Variants in MIA2 observed in about 807,000 individuals in gnomAD.
The protein encoded by MIA2 is melanoma inhibitory activity protein 2.
MIA2 carries 127 observed loss-of-function variants against 167.8 expected under a neutral mutation model. The observed-to-expected ratio is 0.76, with a 90% confidence interval of 0.66 to 0.88. The LOEUF is 0.88. MIA2 is among the 40% of genes least tolerant of loss of function. MIA2 has a pLI of 0.00. For missense variants in MIA2, 1,690 were observed against 1,624.7 expected, an observed-to-expected ratio of 1.04 and a Z score of -0.69; for synonymous variants, 552 against 541.9, an observed-to-expected ratio of 1.02 and a Z score of -0.26.
intron 14 of MIA2, among the ~76,000 whole-genome samples, chr14:39,300,945 T>C (rs62000667): frequency 2.3e-4 from 1 of 4,306 alleles, no homozygotes; most frequent in Non-Finnish European, 1.5e-3. Context: ...CATATATACA[T>C]ATATACACAT....
At chr14:39,289,455 C>T (rs991791320) in intron 9 of MIA2, among the ~76,000 whole-genome samples, 1 of 152,062 alleles carries the variant, frequency 6.6e-6, no homozygotes, top group Non-Finnish European at 1.5e-5. Flanking sequence ...CCTCATGATC[C>T]CTGTGATCTG....
chr14:39,311,005 TA>T (rs1321553779), intron 18 of MIA2, among the ~76,000 whole-genome samples: 3 of 152,100 alleles, frequency 2.0e-5, no homozygotes, highest in Non-Finnish European at 4.4e-5. Context: ...GTGAAAGAAA[TA>T]TTTTTGAGTG....
intron 10 of MIA2, among the ~76,000 whole-genome samples, chr14:39,291,425 G>A (rs2060725819): frequency 6.6e-6 from 1 of 152,134 alleles, no homozygotes. Flanking sequence ...GACTCAGTTT[G>A]CTCTAGAAAG....
At chr14:39,328,381 A>C (rs1033668615) in intron 25 of MIA2, among the ~76,000 whole-genome samples, 2 of 151,938 alleles carry the variant, frequency 1.3e-5, no homozygotes, top group Non-Finnish European at 2.9e-5. Flanking sequence ...TGTCAGATGG[A>C]TAGATTGCAA....
chr14:39,315,048 C>G (rs987836123), intron 20 of MIA2: 8 of 313,906 alleles, frequency 2.5e-5, no homozygotes, highest in African/African-American at 1.8e-4. Flanking sequence ...TTTGGGAAGC[C>G]GAAGTGGGTG....
chr14:39,250,725 T>C (rs935890772), intron 4 of MIA2, among the ~76,000 whole-genome samples: 4 of 148,204 alleles, frequency 2.7e-5, no homozygotes, highest in Admixed American at 1.3e-4. Context: ...TATATATATA[T>C]ATATATATTT....
downstream of MIA2, among the ~76,000 whole-genome samples, chr14:39,356,135 C>T (rs963611341): frequency 6.3e-4 from 96 of 152,264 alleles, no homozygotes; most frequent in African/African-American, 1.8e-3. Flanking sequence ...GTGGTACCAG[C>T]TCCTCCTTGT....
Position 39,348,812 on chromosome 14 carries a change from C to T in MIA2, c.3907C>T (p.Pro1303Ser), listed in dbSNP as rs1014007578. ...EATGPGFVPP[P>S]LAPIRGPLFP... ...CACTGGCCCTGGCTTTGTTCCTCCA[C>T]CTCTTGCTCCAATCAGAGGTCCATT... The change falls in exon 28 of 29, where the codon CCT (proline) becomes TCT (serine). Residue 1303 changes from proline to serine, a missense_variant. Transcript: ENST00000640607. The T allele has an allele frequency of 1.9e-6, 3 of 1,613,894 alleles. No individual in the cohort carries two copies. Among genetic ancestry groups the T allele is most frequent in the Admixed American group, 3.3e-5 (2 of 59,996 alleles).
chr14:39,301,211 C>T (rs967833475), intron 14 of MIA2, among the ~76,000 whole-genome samples: 2 of 152,018 alleles, frequency 1.3e-5, no homozygotes, highest in African/African-American at 2.4e-5. Context: ...CAGGCATGTG[C>T]CACTATGCCT....
rs1039915706 is a variant in MIA2 at position 39,332,200 on chromosome 14, T to C, written c.3655+5178T>C. Among the ~76,000 whole-genome samples, 5 of 152,232 alleles carry C rather than the reference T, an allele frequency of 3.3e-5. 1 individual carries two copies. Among genetic ancestry groups the C allele is most frequent in the East Asian group, 1.9e-4 (1 of 5,198 alleles). ...TTTATTTTAGTAAGTTAGTGTTCAA[T>C]CTCTGATATCCTTTCTTCCGACTGA... On this transcript the variant is annotated intron_variant, in intron 25 of 28. Transcript: ENST00000640607.
chr14:39,279,384 C>G, intron 8 of MIA2, 26 bp downstream of exon 8: 1 of 1,606,104 alleles, frequency 6.2e-7, no homozygotes, highest in Non-Finnish European at 8.5e-7. Context: ...TGCTTTGACT[C>G]TCATTGTTGT....
chr14:39,262,152 T>C (rs1030491551), intron 6 of MIA2, among the ~76,000 whole-genome samples: 8 of 152,246 alleles, frequency 5.3e-5, no homozygotes, highest in African/African-American at 1.9e-4. Context: ...TAATCCATCT[T>C]GAATTAATTT....
At chr14:39,378,994 G>A (rs1272983532) in intron 23 of MIA2, among the ~76,000 whole-genome samples, 2 of 152,286 alleles carry the variant, frequency 1.3e-5, no homozygotes, top group East Asian at 3.9e-4. Flanking sequence ...TTCTTTGAGA[G>A]GGGAGACTTA....
intron 6 of MIA2, chr14:39,267,404 T>G (rs913722174): frequency 6.2e-7 from 1 of 1,607,580 alleles, no homozygotes; most frequent in Non-Finnish European, 8.5e-7. Flanking sequence ...CCGCCGTTTA[T>G]TGTGGCCCCG....
chr14:39,374,126 A>G (rs536372554), intron 23 of MIA2, among the ~76,000 whole-genome samples: 1 of 152,376 alleles, frequency 6.6e-6, no homozygotes, highest in East Asian at 1.9e-4. Context: ...GAAAAGTCCA[A>G]TATGAGCCTT....
chr14:39,385,861 A>C, intron 23 of MIA2: 1 of 968,198 alleles, frequency 1.0e-6, no homozygotes, highest in Non-Finnish European at 1.7e-6. Flanking sequence ...TCTCCCCCGC[A>C]TGCCCCGTCC....
chr14:39,247,496 G>C lies in MIA2; in HGVS notation c.922G>C (p.Gly308Arg), dbSNP rs766597236. 6 of 1,613,826 alleles carry C rather than the reference G, an allele frequency of 3.7e-6. No individual in the cohort carries two copies. The highest frequency in any genetic ancestry group is 1.1e-5 in the South Asian group (1 of 91,034). ...GCACATTCCCAAACCTCAATCCACT[G>C]GTTGGTTTGGTGGAGGATTTACAAG... ...SEHIPKPQST[G>R]WFGGGFTSYL... Residue 308 changes from glycine to arginine, a missense_variant, in exon 4 of 29, where the codon GGT becomes CGT. Gly to Arg is a moderately radical substitution (Grantham distance 125). Transcript: ENST00000640607.
chr14:39,253,388 T>C, intron 6 of MIA2: 1 of 640,044 alleles, frequency 1.6e-6, no homozygotes, highest in Non-Finnish European at 2.6e-6. Flanking sequence ...TTGATGTTGA[T>C]CTTGAGCGGT....
At chr14:39,300,947 T>C (rs75098258) in intron 14 of MIA2, among the ~76,000 whole-genome samples, 1 of 76,224 alleles carries the variant, frequency 1.3e-5, no homozygotes, top group Middle Eastern at 6.7e-3. Context: ...TATATACATA[T>C]ATACACATAC....
Sources: allele counts gnomAD v4.1 joint callset (sites outside exome capture counted in the v4.1 genomes callset), GRCh38; gene constraint gnomAD v4.1.1; transcripts MANE v1.5; gene names NCBI Gene and HGNC (gene_info 2026-07-23, HGNC 2026-07-21).